The following NKAIN2 variants were observed in gnomAD, a reference collection of about 807,000 sequenced individuals.
NKAIN2 encodes the protein sodium/potassium-transporting ATPase subunit beta-1-interacting protein 2.
A neutral mutation model predicts 32.6 loss-of-function variants in NKAIN2; 14 were observed. That is an observed-to-expected ratio of 0.43 (90% CI 0.28 to 0.67). The LOEUF is 0.67. Ranked by LOEUF, NKAIN2 falls within the 30% of genes least tolerant of loss-of-function variation. The pLI, the probability that NKAIN2 is intolerant of heterozygous loss-of-function variation, is 0.17. For missense variants in NKAIN2, 198 were observed against 258.3 expected, an observed-to-expected ratio of 0.77 and a Z score of 1.60; for synonymous variants, 80 against 87.2, an observed-to-expected ratio of 0.92 and a Z score of 0.46.
chr6:124,467,023 C>T (rs923049512), intron 3 of NKAIN2, among the ~76,000 whole-genome samples: 11 of 151,776 alleles, frequency 7.2e-5, no homozygotes, highest in Non-Finnish European at 1.5e-4. Flanking sequence ...TTGAAGTAAC[C>T]GTAGGATAGG....
chr6:124,773,668 T>C (rs1180533432), intron 4 of NKAIN2, among the ~76,000 whole-genome samples: 1 of 152,166 alleles, frequency 6.6e-6, no homozygotes, highest in Non-Finnish European at 1.5e-5. Flanking sequence ...AGATTATTGG[T>C]GCTAAAATAA....
At chr6:123,807,037 G>T (rs1773247026) in intron 1 of NKAIN2, among the ~76,000 whole-genome samples, 1 of 151,810 alleles carries the variant, frequency 6.6e-6, no homozygotes, top group Non-Finnish European at 1.5e-5. Flanking sequence ...AACAATTGAG[G>T]GACAGAGGCA....
rs760381835 is a variant in NKAIN2 at position 124,174,653 on chromosome 6, G to T, written c.55-108352G>T. On this transcript the variant is annotated intron_variant, in intron 1 of 6. Transcript: ENST00000368417. ...CTTTCAACTAGGGAATGGTCAAAGAGAGTGAGGGCAGGATTGCATCAAGAG... is the reference window on the plus strand; with the variant it reads ...CTTTCAACTAGGGAATGGTCAAAGATAGTGAGGGCAGGATTGCATCAAGAG... Among the ~76,000 whole-genome samples the T allele has an allele frequency of 6.0e-4, 92 of 152,108 alleles. 1 individual carries two copies. The highest frequency in any genetic ancestry group is 5.9e-3 in the Admixed American group (90 of 15,270).
chr6:124,518,785 T>C (rs1779018151), intron 3 of NKAIN2, among the ~76,000 whole-genome samples: 1 of 152,222 alleles, frequency 6.6e-6, no homozygotes, highest in East Asian at 1.9e-4. Context: ...TACTTCTTTC[T>C]GCCACTGATC....
At chr6:124,348,532 G>A (rs1173780321) in intron 2 of NKAIN2, among the ~76,000 whole-genome samples, 2 of 152,222 alleles carry the variant, frequency 1.3e-5, no homozygotes, top group African/African-American at 4.8e-5. Context: ...TCAAGCCTGG[G>A]CAATGGCGGG....
intron 4 of NKAIN2, among the ~76,000 whole-genome samples, chr6:124,663,672 G>A (rs1772609026): frequency 6.6e-6 from 1 of 152,076 alleles, no homozygotes; most frequent in South Asian, 2.1e-4. Flanking sequence ...ATTAATAATT[G>A]TTTGTTATGT....
intron 4 of NKAIN2, among the ~76,000 whole-genome samples, chr6:124,668,805 G>A (rs574042472): frequency 6.6e-6 from 1 of 152,124 alleles, no homozygotes; most frequent in Non-Finnish European, 1.5e-5. Flanking sequence ...TTAAAAATTA[G>A]AGGCAGGTTG....
intron 1 of NKAIN2, among the ~76,000 whole-genome samples, chr6:124,039,269 G>C (rs764686795): frequency 1.3e-5 from 2 of 151,912 alleles, no homozygotes; most frequent in Non-Finnish European, 2.9e-5. Flanking sequence ...TTTATTATAT[G>C]AGTTAATATA....
chr6:124,079,766 T>C (rs1195462752), intron 1 of NKAIN2, among the ~76,000 whole-genome samples: 1 of 152,178 alleles, frequency 6.6e-6, no homozygotes, highest in Admixed American at 6.6e-5. Context: ...CCATTTATTT[T>C]GCTAAGCCTG....
intron 1 of NKAIN2, among the ~76,000 whole-genome samples, chr6:123,952,080 C>T (rs1269611064): frequency 6.6e-6 from 1 of 152,034 alleles, no homozygotes; most frequent in East Asian, 1.9e-4. Context: ...CTTGTAGGTA[C>T]AGTCTAGTGG....
intron 3 of NKAIN2, among the ~76,000 whole-genome samples, chr6:124,529,293 C>T (rs1779433698): frequency 1.3e-5 from 2 of 152,098 alleles, no homozygotes; most frequent in South Asian, 4.2e-4. Context: ...GTACGGGGCC[C>T]ACCCTGATGT....
At chr6:124,408,175 T>G (rs1773959848) in intron 3 of NKAIN2, among the ~76,000 whole-genome samples, 1 of 152,130 alleles carries the variant, frequency 6.6e-6, no homozygotes, top group Non-Finnish European at 1.5e-5. Flanking sequence ...TAGTTTGTTT[T>G]GCTGTGCAGA....
chr6:124,078,538 A>C (rs1220811264), intron 1 of NKAIN2, among the ~76,000 whole-genome samples: 1 of 152,202 alleles, frequency 6.6e-6, no homozygotes, highest in Non-Finnish European at 1.5e-5. Context: ...AATAAAGGGC[A>C]GAACAGAATT....
intron 5 of NKAIN2, among the ~76,000 whole-genome samples, chr6:124,807,205 C>G (rs997925976): frequency 6.6e-6 from 1 of 152,234 alleles, no homozygotes; most frequent in Non-Finnish European, 1.5e-5. Flanking sequence ...AGCACTACAC[C>G]ACACCTATTC....
chr6:124,014,298 G>C (rs1414616997), intron 1 of NKAIN2, among the ~76,000 whole-genome samples: 1 of 151,988 alleles, frequency 6.6e-6, no homozygotes, highest in African/African-American at 2.4e-5. Flanking sequence ...ACTTGCATTT[G>C]GTTTTTGATT....
At chr6:124,611,562 G>A (rs193150151) in intron 3 of NKAIN2, among the ~76,000 whole-genome samples, 16 of 152,198 alleles carry the variant, frequency 1.1e-4, no homozygotes, top group African/African-American at 3.1e-4. Context: ...GGTGTGTAAT[G>A]TTCCCCTCCC....
intron 2 of NKAIN2, among the ~76,000 whole-genome samples, chr6:124,341,114 T>G (rs984109284): frequency 2.6e-5 from 4 of 152,164 alleles, no homozygotes; most frequent in Non-Finnish European, 4.4e-5. Context: ...CAAAATATTT[T>G]CAGGCATGAT....
intron 1 of NKAIN2, among the ~76,000 whole-genome samples, chr6:123,808,189 G>T (rs542544865): frequency 6.6e-6 from 1 of 152,036 alleles, no homozygotes; most frequent in Non-Finnish European, 1.5e-5. Context: ...GATATTCCTG[G>T]TATACTTCTG....
chr6:123,852,532 A>C (rs1775392550), intron 1 of NKAIN2, among the ~76,000 whole-genome samples: 1 of 152,204 alleles, frequency 6.6e-6, no homozygotes, highest in African/African-American at 2.4e-5. Context: ...AAATAAAATC[A>C]GTATGTTGGA....
Sources: gnomAD v4.1 joint callset for allele counts (sites outside exome capture counted in the v4.1 genomes callset) on GRCh38, gnomAD v4.1.1 for gene constraint, MANE v1.5 for transcripts, NCBI Gene and HGNC (gene_info 2026-07-23, HGNC 2026-07-21) for gene names.